IL1RL1: variants seen among roughly 807,000 people sequenced by gnomAD.
IL1RL1 encodes interleukin 1 receptor like 1, also known as interleukin-1 receptor-like 1.
Under a neutral mutation model 50.9 loss-of-function variants are expected in IL1RL1, and 32 were observed. The observed-to-expected ratio is 0.63, with a 90% CI of 0.47 to 0.84. The LOEUF (loss-of-function observed/expected upper bound fraction) is 0.84. IL1RL1 is among the 40% of genes least tolerant of loss of function. IL1RL1 has a pLI of 0.00. For synonymous variants in IL1RL1, 275 were observed against 236.0 expected (o/e 1.17, Z -1.51); for missense variants, 773 against 662.9 (o/e 1.17, Z -1.82).
At chr2:102,335,888 T>A (rs1328274354) in intron 1 of IL1RL1, among the ~76,000 whole-genome samples, 1 of 152,116 alleles carries the variant, frequency 6.6e-6, no homozygotes, top group Non-Finnish European at 1.5e-5. Context: ...TGCAATAATA[T>A]CCTGATAAAA....
In IL1RL1 at chr2:102,340,084, A is replaced by G. The variant is rs1677485280; in HGVS notation, c.273-14A>G. On this transcript the variant is annotated splice_polypyrimidine_tract_variant and intron_variant, in intron 3 of 10. Transcript: ENST00000233954. ...GCTAAGTGACTCTTTTAATTGTCTGACTTATTTTAACAGTCCCACATTCAA... is the reference window on the plus strand; with the variant it reads ...GCTAAGTGACTCTTTTAATTGTCTGGCTTATTTTAACAGTCCCACATTCAA... The G allele has an allele frequency of 1.4e-6, 2 of 1,451,508 alleles. No individual in the cohort carries two copies. Among genetic ancestry groups the G allele is most frequent in the Non-Finnish European group, 1.8e-6 (2 of 1,090,856 alleles). 89.9% of individuals were successfully genotyped at this position (1,451,508 alleles called of 1,614,324 possible). A position where few individuals can be genotyped will look rare whatever the true frequency, so the allele number is the denominator to read the frequency against.
chr2:102,350,474 C>T (rs1677896936), intron 10 of IL1RL1, among the ~76,000 whole-genome samples: 1 of 152,272 alleles, frequency 6.6e-6, no homozygotes, highest in Non-Finnish European at 1.5e-5. Flanking sequence ...TCTGACCTTT[C>T]CTCAACCAAA....
rs191041315 is a variant in IL1RL1, at chr2:102,324,191, C to T, written c.-150+12568C>T. Among the ~76,000 whole-genome samples the T allele has an allele frequency of 3.9e-5, 6 of 152,026 alleles. No individual in the cohort carries two copies. The East Asian group carries it at 1.2e-3, about 29-fold the overall frequency. On this transcript the variant is annotated intron_variant, in intron 1 of 10. Transcript: ENST00000233954. The stretch of plus-strand genomic sequence containing the variant: ...AGTTTTTATTTCTCTTAGGTAAATC[C>T]CCAGGAAGAGAATTTCTGGAGTGTA...
chr2:102,346,444 C>T (rs1677787185), intron 8 of IL1RL1, among the ~76,000 whole-genome samples: 1 of 152,218 alleles, frequency 6.6e-6, no homozygotes, highest in Non-Finnish European at 1.5e-5. Flanking sequence ...TTTGTCATCA[C>T]ATACCTGAAT....
intron 1 of IL1RL1, among the ~76,000 whole-genome samples, chr2:102,314,995 A>G (rs1005496858): frequency 7.9e-5 from 12 of 152,174 alleles, no homozygotes; most frequent in African/African-American, 2.7e-4. Flanking sequence ...AAGAAAGGCA[A>G]ACTTACAGTT....
intron 9 of IL1RL1, 46 bp from the exon 10 acceptor site, chr2:102,349,033 T>A (rs748206296): frequency 8.0e-6 from 12 of 1,502,414 alleles, no homozygotes; most frequent in African/African-American, 1.4e-5. Flanking sequence ...CCAGTGAGAA[T>A]TTTTAGAATC....
chr2:102,340,197 A>C lies in IL1RL1; in HGVS notation c.372A>C (p.Gly124=), dbSNP rs977437589. Residue 124 remains glycine, a synonymous_variant, in exon 4 of 11, where the codon GGA becomes GGC. Coordinates refer to ENST00000233954, the MANE Select transcript of IL1RL1 (RefSeq NM_016232.5). The part of the protein sequence containing the change: ...PDYLMYSTVS[G]SEKNSKIYCP... ...ATTTGATGTATTCAACAGTATCTGG[A>C]TCAGAAAAAAATTCCAAAATTTATT... 7 of 1,605,024 alleles carry C rather than the reference A, an allele frequency of 4.4e-6. No individual in the cohort carries two copies. Among genetic ancestry groups the C allele is most frequent in the Non-Finnish European group, 5.9e-6 (7 of 1,177,060 alleles).
intron 1 of IL1RL1, among the ~76,000 whole-genome samples, chr2:102,319,712 A>C (rs1381814165): frequency 1.3e-5 from 2 of 152,116 alleles, no homozygotes; most frequent in Non-Finnish European, 2.9e-5. Flanking sequence ...TTTGTGACAC[A>C]AGATGTCATT....
At chr2:102,312,254 A>G (rs1676539637) in intron 1 of IL1RL1, among the ~76,000 whole-genome samples, 1 of 146,624 alleles carries the variant, frequency 6.8e-6, no homozygotes, top group Non-Finnish European at 1.5e-5. Flanking sequence ...CCTTATGCAA[A>G]TGAAGGGCCT....
At chr2:102,322,137 G>T (rs1367413510) in intron 1 of IL1RL1, among the ~76,000 whole-genome samples, 1 of 152,222 alleles carries the variant, frequency 6.6e-6, no homozygotes, top group African/African-American at 2.4e-5. Context: ...AAGAGTTGGT[G>T]TTGTAGTCTT....
Position 102,343,617 on chromosome 2 carries a change from G to A in IL1RL1, c.970+202G>A. On this transcript the variant is annotated intron_variant, in intron 8 of 10. Coordinates refer to ENST00000233954, the MANE Select transcript of IL1RL1 (RefSeq NM_016232.5). ...TGGGAGCTTCTCTGCTGCTTAAATT[G>A]TTCGTCCTCCCCCACTCCCTCCTAT... is the stretch of plus-strand genomic sequence containing the variant. 4.8e-6 allele frequency: 7 copies of A among 1,445,870 alleles called. No homozygotes were observed. In the South Asian group the frequency reaches 7.3e-5, roughly 15 times the overall value. The allele number at this position is 1,445,870 out of a possible 1,614,324, so 89.6% of individuals were successfully genotyped here. A position where few individuals can be genotyped will look rare whatever the true frequency, so the allele number is the denominator to read the frequency against.
chr2:102,351,681 G>A lies in IL1RL1; in HGVS notation c.1431G>A (p.Val477=), dbSNP rs1464889873. 4 of 1,614,114 alleles carry A rather than the reference G, an allele frequency of 2.5e-6. No individual in the cohort carries two copies. The highest frequency in any genetic ancestry group is 1.3e-5 in the African/African-American group (1 of 75,024). Residue 477 remains valine, a synonymous_variant, in exon 11 of 11, where the codon GTG becomes GTA. Coordinates refer to ENST00000233954, the MANE Select transcript of IL1RL1 (RefSeq NM_016232.5). ...CCCTCATCCAGAACGACGCCAAGGT[G>A]ATACTTATTGAGATGGAGGCTCTGA... is the stretch of plus-strand genomic sequence containing the variant. ...HCALIQNDAK[V]ILIEMEALSE...
intron 3 of IL1RL1, among the ~76,000 whole-genome samples, 156 bp from the exon 4 acceptor site, chr2:102,339,942 C>G (rs1677476606): frequency 6.6e-6 from 1 of 152,072 alleles, no homozygotes. Flanking sequence ...AGTATTTAAA[C>G]TCTAGATTTT....
At chr2:102,333,669 G>A (rs1388190906) in intron 1 of IL1RL1, among the ~76,000 whole-genome samples, 1 of 152,066 alleles carries the variant, frequency 6.6e-6, no homozygotes, top group Non-Finnish European at 1.5e-5. Flanking sequence ...TTGCATTACT[G>A]GTGGGGACTG....
chr2:102,318,639 A>G (rs1009315484), intron 1 of IL1RL1, among the ~76,000 whole-genome samples: 3 of 152,186 alleles, frequency 2.0e-5, no homozygotes, highest in African/African-American at 7.2e-5. Flanking sequence ...AGTTAACTGG[A>G]TGACATCATG....
chr2:102,341,065 A>T, intron 5 of IL1RL1: 1 of 714,306 alleles, frequency 1.4e-6, no homozygotes, highest in Non-Finnish European at 2.0e-6. Context: ...TCTGTTCTTT[A>T]TTCTTTTTTT....
chr2:102,351,807 T>C lies in IL1RL1; in HGVS notation c.1557T>C (p.Asn519=), dbSNP rs1573166470. ...AGTGGAGGGAGGACCACATTGCCAA[T>C]AAAAGGTCCCTGAATTCTAAATTCT... ...TIKWREDHIA[N]KRSLNSKFWK... The change falls in exon 11 of 11, where the codon AAT becomes AAC. Residue 519 remains asparagine, a synonymous_variant. Transcript: ENST00000233954. 6.2e-7 allele frequency: 1 copy of C among 1,613,960 alleles called. No homozygotes were observed.
In IL1RL1 at chr2:102,345,733, A is replaced by G. The variant is rs761717333; in HGVS notation, c.971-2212A>G. 2.7e-5 allele frequency: 27 copies of G among 985,280 alleles called. No individual in the cohort carries two copies. The Admixed American group carries it at 3.1e-4, about 11-fold the overall frequency. 61.0% of individuals were successfully genotyped at this position (985,280 alleles called of 1,614,324 possible). On this transcript the variant is annotated intron_variant, in intron 8 of 10. Coordinates refer to ENST00000233954, the MANE Select transcript of IL1RL1 (RefSeq NM_016232.5). ...AGAATCATAACTCATGTAGATGGCT[A>G]TAAGTGCCGTAGTGTTCTGTGGGTC...
At chr2:102,346,069 T>A in intron 8 of IL1RL1, 3 of 971,676 alleles carry the variant, frequency 3.1e-6, no homozygotes, top group Non-Finnish European at 3.7e-6. Context: ...TCAGCAACTG[T>A]ATAAATTAAA....
Sources: allele counts gnomAD v4.1 joint callset (sites outside exome capture counted in the v4.1 genomes callset), GRCh38; gene constraint gnomAD v4.1.1; transcripts MANE v1.5; gene names NCBI Gene and HGNC (gene_info 2026-07-23, HGNC 2026-07-21).